The following TP63 variants were observed in gnomAD, a reference collection of about 807,000 sequenced individuals.
TP63 encodes the protein tumor protein p63.
TP63 carries 17 observed loss-of-function variants against 82.8 expected under a neutral mutation model. The ratio of observed to expected loss-of-function variants is 0.21; its 90% CI spans 0.14 to 0.31. The LOEUF (loss-of-function observed/expected upper bound fraction) is 0.31, where lower values mean the gene tolerates loss of function less well. TP63 is among the 10% of genes least tolerant of loss of function. The pLI, the probability that TP63 is intolerant of heterozygous loss-of-function variation, is 1.00. For missense variants in TP63, 648 were observed against 895.3 expected (o/e 0.72, Z 3.52); for synonymous variants, 330 against 321.7 (o/e 1.03, Z -0.28).
intron 3 of TP63, among the ~76,000 whole-genome samples, chr3:189,765,528 C>G (rs531983588): frequency 2.0e-4 from 29 of 142,744 alleles, no homozygotes; most frequent in African/African-American, 7.3e-4. Flanking sequence ...CTCCGCCTCC[C>G]GGGTTCACGC....
the TP63 span, among the ~76,000 whole-genome samples, chr3:189,624,466 T>C: frequency 6.6e-6 from 1 of 152,170 alleles, no homozygotes; most frequent in Non-Finnish European, 1.5e-5. Flanking sequence ...TTTATACTCA[T>C]AAAATCATAG....
At chr3:189,688,640 G>A (rs1716638492) in intron 1 of TP63, among the ~76,000 whole-genome samples, 1 of 152,168 alleles carries the variant, frequency 6.6e-6, no homozygotes, top group African/African-American at 2.4e-5. Flanking sequence ...AGGGGTTTAT[G>A]GCCAGAAAGA....
chr3:189,887,224 A>G (rs1016168129), intron 11 of TP63, among the ~76,000 whole-genome samples: 1 of 151,964 alleles, frequency 6.6e-6, no homozygotes, highest in Admixed American at 6.6e-5. Flanking sequence ...AAAAAAAAAA[A>G]ATCTAGAAAA....
intron 4 of TP63, among the ~76,000 whole-genome samples, chr3:189,821,853 T>G (rs1426427574): frequency 6.6e-6 from 1 of 152,232 alleles, no homozygotes; most frequent in African/African-American, 2.4e-5. Context: ...CATATGATAC[T>G]TACAGTATAT....
At chr3:189,808,242 T>A in intron 3 of TP63, 30 bp from the exon 4 acceptor site, 1 of 1,614,222 alleles carries the variant, frequency 6.2e-7, no homozygotes, top group Non-Finnish European at 8.5e-7. Flanking sequence ...CTTCAGCGGC[T>A]AATATTGGGG....
At position 189,836,330 on chromosome 3, in the gene TP63, A is replaced by C. The variant is rs138919933; in HGVS notation, c.579+27804A>C. ...GTGTTGGAGGTTTACAAACATGATCAGCACTTGTTAATGACAATTTTCTCC... is the reference window on the plus strand; with the variant it reads ...GTGTTGGAGGTTTACAAACATGATCCGCACTTGTTAATGACAATTTTCTCC... On this transcript the variant is annotated intron_variant, in intron 4 of 13. Transcript: ENST00000264731. Among the ~76,000 whole-genome samples the C allele has an allele frequency of 8.3e-3, 1,265 of 152,286 alleles. 21 individuals carry two copies. Among genetic ancestry groups the C allele is most frequent in the African/African-American group, 0.029 (1,222 of 41,540 alleles).
chr3:189,860,864 T>G (rs1398087680), intron 4 of TP63, among the ~76,000 whole-genome samples: 2 of 152,200 alleles, frequency 1.3e-5, no homozygotes, highest in Non-Finnish European at 2.9e-5. Context: ...TTTTTAGGTT[T>G]CAGATTCAGT....
chr3:189,783,242 G>A (rs1348439176), intron 3 of TP63, among the ~76,000 whole-genome samples: 2 of 151,828 alleles, frequency 1.3e-5, no homozygotes, highest in African/African-American at 4.8e-5. Flanking sequence ...ATTTCAAAAA[G>A]TAGGTATATG....
At chr3:189,873,152 AC>A in intron 10 of TP63, 157 bp downstream of exon 10, 1 of 1,050,314 alleles carries the variant, frequency 9.5e-7, no homozygotes, top group Non-Finnish European at 1.5e-6. Flanking sequence ...TTCAGTTGCA[AC>A]CTTTTTTACG....
intron 3 of TP63, among the ~76,000 whole-genome samples, chr3:189,792,662 A>G (rs754899218): frequency 6.6e-6 from 1 of 152,074 alleles, no homozygotes; most frequent in African/African-American, 2.4e-5. Flanking sequence ...TTCTTTCTGT[A>G]GTTGAGAGAG....
intron 3 of TP63, chr3:189,789,772 C>T (rs1560185260): frequency 1.3e-6 from 2 of 1,583,098 alleles, no homozygotes; most frequent in East Asian, 2.3e-5. Flanking sequence ...GAAGAAAGGA[C>T]AGCAGCATTG....
intron 1 of TP63, among the ~76,000 whole-genome samples, chr3:189,643,016 T>TTTATTTATTTATTTA (rs1560079375): frequency 4.0e-5 from 6 of 150,036 alleles, no homozygotes; most frequent in Non-Finnish European, 7.4e-5. Context: ...TATTTATTCA[T>TTTATTTATTTATTTA]TTTAGATGGA....
chr3:189,667,812 T>G (rs1405795878), intron 1 of TP63, among the ~76,000 whole-genome samples: 2 of 152,112 alleles, frequency 1.3e-5, no homozygotes, highest in Non-Finnish European at 2.9e-5. Flanking sequence ...CAGCAAATGT[T>G]TTCTGACCCT....
At position 189,808,322 on chromosome 3, in the gene TP63, G is replaced by T; in HGVS notation, c.375G>T (p.Gln125His). The T allele has an allele frequency of 6.2e-7, 1 of 1,614,190 alleles. No homozygotes were observed. The highest frequency in any genetic ancestry group is 8.5e-7 in the Non-Finnish European group (1 of 1,180,042). ...GLLNSMDQQI[Q>H]NGSSSTSPYN... ...TGAACAGCATGGACCAGCAGATTCA[G>T]AACGGCTCCTCGTCCACCAGTCCCT... Residue 125 changes from glutamine to histidine, a missense_variant, in exon 4 of 14, where the codon CAG becomes CAT. By Grantham distance (24) the Gln-to-His change is conservative (BLOSUM62 0). Transcript: ENST00000264731.
intron 1 of TP63, among the ~76,000 whole-genome samples, chr3:189,649,309 C>T (rs1400341852): frequency 2.0e-5 from 3 of 146,942 alleles, no homozygotes; most frequent in Non-Finnish European, 4.5e-5. Flanking sequence ...AGAATGAGAT[C>T]ATGTCGTTTG....
chr3:189,813,959 T>C (rs1319322248), intron 4 of TP63, among the ~76,000 whole-genome samples: 1 of 152,204 alleles, frequency 6.6e-6, no homozygotes, highest in Non-Finnish European at 1.5e-5. Flanking sequence ...CTTCGTGTCA[T>C]GTTCAGAGCT....
chr3:189,831,913 C>G (rs1412025430), intron 4 of TP63, among the ~76,000 whole-genome samples: 2 of 144,140 alleles, frequency 1.4e-5, no homozygotes, highest in Non-Finnish European at 3.0e-5. Context: ...CTCACTGCAA[C>G]CTCCGCCTCC....
At chr3:189,757,718 G>A (rs1722285177) in intron 3 of TP63, among the ~76,000 whole-genome samples, 1 of 152,192 alleles carries the variant, frequency 6.6e-6, no homozygotes, top group Non-Finnish European at 1.5e-5. Flanking sequence ...GAGCAGGACA[G>A]GAGAGGGCTC....
At chr3:189,720,415 G>A (rs781134994) in intron 1 of TP63, among the ~76,000 whole-genome samples, 13 of 152,040 alleles carry the variant, frequency 8.6e-5, no homozygotes, top group Non-Finnish European at 1.8e-4. Context: ...ATTAGACAAG[G>A]CCTTAAAGAC....
Sources: allele counts gnomAD v4.1 joint callset (sites outside exome capture counted in the v4.1 genomes callset), GRCh38; gene constraint gnomAD v4.1.1; transcripts MANE v1.5; gene names NCBI Gene and HGNC (gene_info 2026-07-23, HGNC 2026-07-21).